The following ANKRD13A variants were observed in gnomAD, a reference collection of about 807,000 sequenced individuals.
ANKRD13A encodes the protein ankyrin repeat domain-containing protein 13A.
Under a neutral mutation model 81.3 loss-of-function variants are expected in ANKRD13A, and 48 were observed. The observed-to-expected ratio is 0.59, with a 90% CI of 0.47 to 0.75. The LOEUF is 0.75. Ranked by LOEUF, ANKRD13A falls within the 30% of genes least tolerant of loss-of-function variation. The pLI is 0.00. For missense variants in ANKRD13A, 612 were observed against 734.0 expected (o/e 0.83, Z 1.92); for synonymous variants, 230 against 270.1 (o/e 0.85, Z 1.45).
intron 8 of ANKRD13A, 167 bp from the exon 9 acceptor site, chr12:110,027,538 C>T: frequency 1.5e-6 from 1 of 649,448 alleles, no homozygotes; most frequent in South Asian, 1.8e-5. Flanking sequence ...GAAAAGCACC[C>T]TATAAAGGAT....
At chr12:110,008,907 G>T (rs1413450398) in intron 1 of ANKRD13A, among the ~76,000 whole-genome samples, 1 of 152,038 alleles carries the variant, frequency 6.6e-6, no homozygotes, top group Non-Finnish European at 1.5e-5. Flanking sequence ...ATCTGGGCCT[G>T]CATTTTTTTT....
chr12:110,013,284 G>A (rs1890624682), intron 3 of ANKRD13A, 35 bp downstream of exon 3: 7 of 1,611,318 alleles, frequency 4.3e-6, no homozygotes, highest in Non-Finnish European at 5.9e-6. Context: ...CATAATCTGA[G>A]CTAAATGCTG....
chr12:110,023,818 G>A (rs1891184952), intron 6 of ANKRD13A: 1 of 445,712 alleles, frequency 2.2e-6, no homozygotes, highest in South Asian at 3.9e-5. Context: ...AAGATTGGAG[G>A]CTTTCTATGC....
At chr12:110,022,040 C>G (rs936425344) in intron 6 of ANKRD13A, 2 of 152,046 alleles carry the variant, frequency 1.3e-5, no homozygotes, top group Non-Finnish European at 2.9e-5. Context: ...GCCAGGTGTT[C>G]TATCATCTTC....
At chr12:110,012,962 A>G (rs574425988) in intron 2 of ANKRD13A, among the ~76,000 whole-genome samples, 163 bp from the exon 3 acceptor site, 1 of 152,264 alleles carries the variant, frequency 6.6e-6, no homozygotes, top group East Asian at 1.9e-4. Flanking sequence ...TTTTTTACTC[A>G]GTGAAGAGCT....
At chr12:110,029,007 A>G (rs1346720709) in intron 10 of ANKRD13A, 3 of 194,426 alleles carry the variant, frequency 1.5e-5, no homozygotes, top group African/African-American at 7.1e-5. Context: ...AACTGCTGGG[A>G]TTACAGGCAT....
intron 1 of ANKRD13A, among the ~76,000 whole-genome samples, chr12:110,005,066 A>G (rs1890171000): frequency 1.3e-5 from 2 of 152,230 alleles, no homozygotes; most frequent in Admixed American, 1.3e-4. Flanking sequence ...TTTAAAGGTT[A>G]TTCAATGGTT....
Position 110,019,245 on chromosome 12 carries a change from G to A in ANKRD13A, c.651G>A (p.Lys217=). Residue 217 remains lysine, a synonymous_variant, in exon 6 of 15, where the codon AAG becomes AAA. Transcript: ENST00000261739. ...AGCGCCTCACTCTGGACTTGATGAA[G>A]CCAAAAAGCAGGGAAGTTGAGCGGC... ...EMERLTLDLM[K]PKSREVERRL... is the part of the protein sequence containing the mutation. 6.2e-7 allele frequency: 1 copy of A among 1,614,102 alleles called. No individual in the cohort carries two copies. Among genetic ancestry groups the A allele is most frequent in the South Asian group, 1.1e-5 (1 of 91,070 alleles).
At chr12:110,017,223 T>G (rs1251404587) in intron 4 of ANKRD13A, among the ~76,000 whole-genome samples, 1 of 152,266 alleles carries the variant, frequency 6.6e-6, no homozygotes, top group African/African-American at 2.4e-5. Context: ...AATGTCACTT[T>G]AAATTGCTAG....
chr12:110,006,703 T>A (rs996415574), intron 1 of ANKRD13A, among the ~76,000 whole-genome samples: 4 of 152,076 alleles, frequency 2.6e-5, no homozygotes, highest in African/African-American at 4.8e-5. Flanking sequence ...TTCAAGCAAT[T>A]TTCCTGCCTC....
At chr12:110,029,115 C>A in intron 10 of ANKRD13A, 1 of 191,718 alleles carries the variant, frequency 5.2e-6, no homozygotes, top group Non-Finnish European at 1.1e-5. Context: ...ATGTTATTAG[C>A]TCCTTTCCAA....
intron 8 of ANKRD13A, 168 bp from the exon 9 acceptor site, chr12:110,027,537 C>A: frequency 1.6e-6 from 1 of 642,850 alleles, no homozygotes; most frequent in Non-Finnish European, 2.8e-6. Flanking sequence ...TGAAAAGCAC[C>A]CTATAAAGGA....
Position 110,014,186 on chromosome 12 carries a change from G to T in ANKRD13A, c.354+937G>T, listed in dbSNP as rs892697837. ...CCAGCACTTTGGGAGGCTGAGGTGG[G>T]TGGATCACGAGGTCAGGAGACCGAG... On this transcript the variant is annotated intron_variant, in intron 3 of 14. Transcript: ENST00000261739. Among the ~76,000 whole-genome samples the T allele has an allele frequency of 1.4e-4, 22 of 152,308 alleles. 1 individual carries two copies. The highest frequency in any genetic ancestry group is 7.7e-4 in the East Asian group (4 of 5,188).
intron 5 of ANKRD13A, 53 bp from the exon 6 acceptor site, chr12:110,019,086 T>G (rs1214854609): frequency 6.6e-7 from 1 of 1,505,758 alleles, no homozygotes; most frequent in Non-Finnish European, 8.9e-7. Context: ...AGCTTCCTTG[T>G]TTTTGCATCT....
intron 13 of ANKRD13A, among the ~76,000 whole-genome samples, chr12:110,035,859 G>A (rs1395626222): frequency 6.6e-6 from 1 of 152,128 alleles, no homozygotes; most frequent in African/African-American, 2.4e-5. Flanking sequence ...AGGCTGCAGT[G>A]AGCTACGATC....
chr12:110,027,008 T>G (rs1409910301), intron 8 of ANKRD13A: 1 of 152,222 alleles, frequency 6.6e-6, no homozygotes, highest in Non-Finnish European at 1.5e-5. Context: ...CAAGAACAAT[T>G]GTTGAATTCA....
chr12:110,036,232 T>G lies in ANKRD13A; in HGVS notation c.1510-29T>G. 6.2e-7 allele frequency: 1 copy of G among 1,606,998 alleles called. No homozygotes were observed. Among genetic ancestry groups the G allele is most frequent in the Non-Finnish European group, 8.5e-7 (1 of 1,173,698 alleles). ...TGGCACCAATTTCTCCTAAGACGTA[T>G]TCATGTCTATCACATTTGTCTTTGC... On this transcript the variant is annotated intron_variant, in intron 13 of 14. Transcript: ENST00000261739. The surrounding 1 kb of genome is among the most constrained non-coding windows in gnomAD (Gnocchi z 4.6).
At chr12:110,033,983 G>A in intron 13 of ANKRD13A, 26 bp downstream of exon 13, 1 of 1,583,886 alleles carries the variant, frequency 6.3e-7, no homozygotes, top group Non-Finnish European at 8.6e-7. Context: ...TACTCTAATG[G>A]CAGGGCGTGG....
At chr12:110,020,605 G>C (rs1891028405) in intron 6 of ANKRD13A, among the ~76,000 whole-genome samples, 1 of 152,190 alleles carries the variant, frequency 6.6e-6, no homozygotes, top group Non-Finnish European at 1.5e-5. Context: ...CAAAATTTAG[G>C]GACTGACTGG....
Sources: gnomAD v4.1 joint callset for allele counts (sites outside exome capture counted in the v4.1 genomes callset) on GRCh38, gnomAD v4.1.1 for gene constraint, Gnocchi (gnomAD v3.1) non-coding constraint, MANE v1.5 for transcripts, NCBI Gene and HGNC (gene_info 2026-07-23, HGNC 2026-07-21) for gene names.